SF3A1: variants seen among roughly 807,000 people sequenced by gnomAD.
SF3A1 encodes SAP 114.
In SF3A1, 13 loss-of-function variants were observed where a neutral mutation model predicts 89.9. The observed-to-expected ratio is 0.14, with a 90% CI of 0.09 to 0.23. The LOEUF is 0.23. Among genes scored for constraint, SF3A1 ranks in the 10% least tolerant of loss-of-function variants. SF3A1 has a pLI of 1.00. For missense variants in SF3A1, 604 were observed against 1,022.1 expected, an observed-to-expected ratio of 0.59 and a Z score of 5.58; for synonymous variants, 405 against 374.4, an observed-to-expected ratio of 1.08 and a Z score of -0.94.
In SF3A1 at chr22:30,336,881, A is replaced by G. The variant is rs951903409; in HGVS notation, c.2106+145T>C. ...TTGGCCCCACATTCACTGTGTGCTC[A>G]GAAGCCCTTAGATGCCTCCAACAGC... On this transcript the variant is annotated intron_variant, in intron 13 of 15. Transcript: ENST00000215793. The G allele has an allele frequency of 1.5e-5, 12 of 819,916 alleles. No homozygotes were observed. The African/African-American group carries it at 1.9e-4, about 13-fold the overall frequency. The allele number at this position is 819,916 out of a possible 1,614,324, so 50.8% of individuals were successfully genotyped here.
Position 30,339,017 on chromosome 22 carries a change from G to A in SF3A1, c.1515C>T (p.His505=). The A allele has an allele frequency of 6.2e-7, 1 of 1,614,124 alleles. No homozygotes were observed. The highest frequency in any genetic ancestry group is 1.1e-5 in the South Asian group (1 of 91,090). Residue 505 remains histidine (H), a synonymous_variant, in exon 11 of 16, where the codon CAC becomes CAT. Transcript: ENST00000215793. ...GCTGGGTCCGGGCCATGCTGCCTGAGTGGCCATCCCAGGTCACCTGCAAGT... is the reference window on the plus strand; with the variant it reads ...GCTGGGTCCGGGCCATGCTGCCTGAATGGCCATCCCAGGTCACCTGCAAGT... The part of the protein sequence containing the change: ...KPEEKVTWDG[H]SGSMARTQQA...
chr22:30,352,902 T>A, intron 2 of SF3A1, 49 bp downstream of exon 2: 14 of 1,607,088 alleles, frequency 8.7e-6, no homozygotes, highest in Non-Finnish European at 1.2e-5. Flanking sequence ...AGTGCTGAAG[T>A]CTCTTCATGC....
At position 30,341,724 on chromosome 22, in the gene SF3A1, C is replaced by A. The variant is rs1332737177; in HGVS notation, c.1039G>T (p.Asp347Tyr). The A allele has an allele frequency of 2.5e-6, 4 of 1,613,954 alleles. No individual in the cohort carries two copies. Among genetic ancestry groups the A allele is most frequent in the Non-Finnish European group, 8.5e-7 (1 of 1,179,994 alleles). ...ATATCTTGTACTTGGGTGTCCTGGT[C>A]CAGCTGGGAAGGAGGCTCCTCCGCC... is the stretch of plus-strand genomic sequence containing the variant. ...EKAEEPPSQL[D>Y]QDTQVQDMDE... The change falls in exon 7 of 16, where the codon GAC becomes TAC. Residue 347 changes from aspartate (D) to tyrosine (Y), a missense_variant. Transcript: ENST00000215793.
At chr22:30,342,069 G>T in intron 6 of SF3A1, 131 bp downstream of exon 6, 1 of 1,235,332 alleles carries the variant, frequency 8.1e-7, no homozygotes, top group Non-Finnish European at 1.2e-6. Context: ...AAGTCTTTTG[G>T]GAGCAGGGAG....
At position 30,340,192 on chromosome 22, in the gene SF3A1, T is replaced by A; in HGVS notation, c.1375+4A>T. The stretch of plus-strand genomic sequence containing the variant: ...CATGGGCTCTCCTGGAACCCCCACC[T>A]CACCTGGTGCGTACACCTCATCATC... On this transcript the variant is annotated splice_donor_region_variant and intron_variant, in intron 9 of 15. Transcript: ENST00000215793. The A allele has an allele frequency of 6.6e-7, 1 of 1,510,632 alleles. No homozygotes were observed. The highest frequency in any genetic ancestry group is 8.8e-7 in the Non-Finnish European group (1 of 1,131,516). The allele number at this position is 1,510,632 out of a possible 1,614,324, so 93.6% of individuals were successfully genotyped here. A position where few individuals can be genotyped will look rare whatever the true frequency, so the allele number is the denominator to read the frequency against.
At chr22:30,343,862 C>T (rs1035281091) in intron 4 of SF3A1, among the ~76,000 whole-genome samples, 2 of 152,170 alleles carry the variant, frequency 1.3e-5, no homozygotes, top group Admixed American at 1.3e-4. Context: ...TGTTAAAATT[C>T]TAATTATGTA....
rs761685205 is a variant in SF3A1, at chr22:30,346,490, C to T, written c.215G>A (p.Arg72Gln). 2 of 1,613,984 alleles carry T rather than the reference C, an allele frequency of 1.2e-6. No individual in the cohort carries two copies. Among genetic ancestry groups the T allele is most frequent in the Non-Finnish European group, 1.7e-6 (2 of 1,179,998 alleles). ...CTTGGGGTTGTTGATCTCGTTCTGT[C>T]GGATCCTAGCTTCAAATTCAGGCCC... ...RNGPEFEARI[R>Q]QNEINNPKFN... Residue 72 changes from arginine (R) to glutamine (Q), a missense_variant, in exon 3 of 16, where the codon CGA becomes CAA. By Grantham distance (43) the Arg-to-Gln change is conservative. This residue lies in a region of SF3A1 where 162 missense variants were observed against 229.2 expected (regional missense o/e 0.71). Transcript: ENST00000215793.
chr22:30,337,009 A>G lies in SF3A1; in HGVS notation c.2106+17T>C. 6.2e-7 allele frequency: 1 copy of G among 1,614,104 alleles called. No individual in the cohort carries two copies. The highest frequency in any genetic ancestry group is 8.5e-7 in the Non-Finnish European group (1 of 1,179,962). ...CCCTCCAGCTAGAAACTTCAGCAGC[A>G]TTCTGGGATTACATACCTTGTTTCT... On this transcript the variant is annotated intron_variant, in intron 13 of 15. Coordinates refer to ENST00000215793, the MANE Select transcript of SF3A1 (RefSeq NM_005877.6).
chr22:30,346,476 T>G lies in SF3A1; in HGVS notation c.229A>C (p.Asn77His). 2 of 1,614,064 alleles carry G rather than the reference T, an allele frequency of 1.2e-6. No individual in the cohort carries two copies. The highest frequency in any genetic ancestry group is 2.2e-5 in the South Asian group (2 of 91,076). Residue 77 changes from asparagine (N) to histidine (H), a missense_variant, in exon 3 of 16, where the codon AAC becomes CAC. This residue lies in a region of SF3A1 where 162 missense variants were observed against 229.2 expected (regional missense o/e 0.71). Coordinates refer to ENST00000215793, the MANE Select transcript of SF3A1 (RefSeq NM_005877.6). Reference protein sequence around the residue: ...FEARIRQNEINNPKFNFLNPN... With the variant: ...FEARIRQNEIHNPKFNFLNPN... ...TTCAGAAAGTTGAACTTGGGGTTGT[T>G]GATCTCGTTCTGTCGGATCCTAGCT... is the stretch of plus-strand genomic sequence containing the variant.
rs550340254 is a variant in SF3A1 at position 30,347,280 on chromosome 22, G to A, written c.186-761C>T. On this transcript the variant is annotated intron_variant, in intron 2 of 15. Transcript: ENST00000215793. Reference sequence around the variant, plus strand: ...TCACCGTATTCCAGCCTGGAAAACAGAGCAAGACCCTGTCTTTAAGAAACA... The same window carrying A: ...TCACCGTATTCCAGCCTGGAAAACAAAGCAAGACCCTGTCTTTAAGAAACA... 2.6e-4 allele frequency among the ~76,000 whole-genome samples: 40 copies of A among 152,284 alleles called. No homozygotes were observed. In the South Asian group the frequency reaches 4.4e-3, roughly 17 times the overall value.
intron 4 of SF3A1, 70 bp from the exon 5 acceptor site, chr22:30,342,949 G>C: frequency 2.0e-6 from 2 of 988,642 alleles, no homozygotes; most frequent in Admixed American, 3.6e-5. Flanking sequence ...GCCTTCCTGG[G>C]CCTGTGATAA....
intron 4 of SF3A1, among the ~76,000 whole-genome samples, chr22:30,344,364 C>G (rs533817950): frequency 2.0e-5 from 3 of 152,322 alleles, no homozygotes; most frequent in Admixed American, 2.0e-4. Flanking sequence ...ATCAAAGTGT[C>G]TCTCAACACC....
At chr22:30,345,477 G>C (rs73406424) in intron 3 of SF3A1, among the ~76,000 whole-genome samples, 1 of 152,186 alleles carries the variant, frequency 6.6e-6, no homozygotes, top group African/African-American at 2.4e-5. Flanking sequence ...CTGGGTGACA[G>C]AAGATCCAAC....
intron 2 of SF3A1, among the ~76,000 whole-genome samples, chr22:30,349,810 ATTTT>A (rs1370843678): frequency 1.3e-5 from 2 of 151,702 alleles, no homozygotes; most frequent in African/African-American, 4.8e-5. Context: ...TGCCCAGCTA[ATTTT>A]TTTATTTTTT....
intron 4 of SF3A1, among the ~76,000 whole-genome samples, chr22:30,343,293 T>C (rs982663466): frequency 6.6e-6 from 1 of 152,138 alleles, no homozygotes; most frequent in Non-Finnish European, 1.5e-5. Flanking sequence ...CTCCCTCTAT[T>C]TCTGCTCCCT....
Position 30,345,131 on chromosome 22 carries a change from C to T in SF3A1, c.453G>A (p.Glu151=), listed in dbSNP as rs1931379622. The change falls in exon 4 of 16, where the codon GAG becomes GAA. Residue 151 remains glutamate (E), a synonymous_variant. Coordinates refer to ENST00000215793, the MANE Select transcript of SF3A1 (RefSeq NM_005877.6). ...AGATAGAGGGAGGATCAGCAATGAA[C>T]TCAAACTCAGGAGGAGGCTCTTTGG... is the stretch of plus-strand genomic sequence containing the variant. The part of the protein sequence containing the change: ...IVPKEPPPEF[E]FIADPPSISA... The T allele has an allele frequency of 9.9e-6, 16 of 1,614,212 alleles. No homozygotes were observed. The East Asian group carries it at 2.0e-4, about 20-fold the overall frequency.
At chr22:30,348,642 A>G (rs1487189327) in intron 2 of SF3A1, among the ~76,000 whole-genome samples, 1 of 152,188 alleles carries the variant, frequency 6.6e-6, no homozygotes, top group Non-Finnish European at 1.5e-5. Flanking sequence ...CCGTGTAACT[A>G]ACACCATGAG....
intron 2 of SF3A1, among the ~76,000 whole-genome samples, chr22:30,350,318 A>AAAAAAAAAAAAAAAAAAAAAAAAAAAAC (rs1931551344): frequency 6.7e-6 from 1 of 150,320 alleles, no homozygotes; most frequent in Non-Finnish European, 1.5e-5. Flanking sequence ...AAAAATAAAA[A>AAAAAAAAAAAAAAAAAAAAAAAAAAAAC]AAATAAAAAA....
At position 30,334,712 on chromosome 22, in the gene SF3A1, G is replaced by T; in HGVS notation, c.2281-17C>A. 6.3e-7 allele frequency: 1 copy of T among 1,581,930 alleles called. No homozygotes were observed. The highest frequency in any genetic ancestry group is 8.6e-7 in the Non-Finnish European group (1 of 1,159,074). On this transcript the variant is annotated splice_polypyrimidine_tract_variant and intron_variant, in intron 15 of 15. Coordinates refer to ENST00000215793, the MANE Select transcript of SF3A1 (RefSeq NM_005877.6). ...GAAGATACCCTGGAAAACAGACAGC[G>T]TGCCTTAGCATGGGGCAACCCAGCC...
Sources: allele counts gnomAD v4.1 joint callset (sites outside exome capture counted in the v4.1 genomes callset), GRCh38; gene constraint gnomAD v4.1.1; regional missense constraint gnomAD v4.1.1; transcripts MANE v1.5; gene names NCBI Gene and HGNC (gene_info 2026-07-23, HGNC 2026-07-21).